Variants in ZAP70 observed in about 807,000 individuals in gnomAD.
ZAP70 encodes the protein zeta chain of T cell receptor associated protein kinase 70, also known as tyrosine-protein kinase ZAP-70.
ZAP70 carries 27 observed loss-of-function variants against 65.8 expected under a neutral mutation model. The ratio of observed to expected loss-of-function variants is 0.41; its 90% CI spans 0.30 to 0.57. ZAP70 has a LOEUF of 0.57. Among genes scored for constraint, ZAP70 ranks in the 20% least tolerant of loss-of-function variants. ZAP70 has a pLI of 0.28. For synonymous variants in ZAP70, 363 were observed against 360.8 expected (o/e 1.01, Z -0.07); for missense variants, 696 against 870.5 (o/e 0.80, Z 2.52).
At chr2:97,717,026 G>A (rs1325637276) in intron 2 of ZAP70, among the ~76,000 whole-genome samples, 1 of 152,254 alleles carries the variant, frequency 6.6e-6, no homozygotes, top group East Asian at 1.9e-4. Context: ...ATATGAAGGA[G>A]GAGCCTGCAG....
intron 13 of ZAP70, chr2:97,738,311 C>T: frequency 3.2e-6 from 2 of 620,708 alleles, no homozygotes; most frequent in Admixed American, 2.5e-5. Context: ...TGTGCCACAC[C>T]CTGCCATCCC....
At position 97,731,585 on chromosome 2, in the gene ZAP70, G is replaced by C. The variant is rs535190837; in HGVS notation, c.564-1298G>C. On this transcript the variant is annotated intron_variant, in intron 4 of 13. Coordinates refer to ENST00000264972, the MANE Select transcript of ZAP70 (RefSeq NM_001079.4). This position sits in a 1 kb window ranked among gnomAD's most constrained non-coding sequence, Gnocchi z 4.0. The stretch of plus-strand genomic sequence containing the variant: ...CACTGCACTGTACTTCGGGGAACGT[G>C]CTGTCCAGGAATGGAGAGGATGGTC... 1.1e-4 allele frequency among the ~76,000 whole-genome samples: 17 copies of C among 152,288 alleles called. No homozygotes were observed. The East Asian group carries it at 3.3e-3, about 29-fold the overall frequency.
chr2:97,733,814 C>A (rs1322881821), intron 8 of ZAP70: 2 of 625,062 alleles, frequency 3.2e-6, no homozygotes, highest in Non-Finnish European at 5.7e-6. Context: ...GCACACTTGG[C>A]CTTGCCTGAG....
chr2:97,721,050 G>A (rs1677134591), intron 2 of ZAP70, among the ~76,000 whole-genome samples: 1 of 152,206 alleles, frequency 6.6e-6, no homozygotes, highest in African/African-American at 2.4e-5. Flanking sequence ...GCCTTGCTGG[G>A]CCTATGTTAG....
chr2:97,733,398 TG>T, intron 7 of ZAP70, 55 bp downstream of exon 7: 2 of 1,587,024 alleles, frequency 1.3e-6, no homozygotes, highest in Non-Finnish European at 1.7e-6. Context: ...GGAGTGGCTG[TG>T]GGGGAGGCTG....
At chr2:97,753,915 GA>G in the ZAP70 span, among the ~76,000 whole-genome samples, 3 of 152,210 alleles carry the variant, frequency 2.0e-5, no homozygotes, top group Non-Finnish European at 4.4e-5. Flanking sequence ...CTTGGGCCTG[GA>G]AGTTCAGGGC....
chr2:97,727,349 T>C (rs1192510595), intron 4 of ZAP70, among the ~76,000 whole-genome samples: 5 of 152,228 alleles, frequency 3.3e-5, no homozygotes, highest in African/African-American at 1.2e-4. Context: ...GGGCTGTCTC[T>C]CTTTCCTTTT....
At chr2:97,733,235 C>T (rs200251859) in intron 6 of ZAP70, 23 bp downstream of exon 6, 232 of 1,610,440 alleles carry the variant, frequency 1.4e-4, no homozygotes, top group Middle Eastern at 1.7e-4. Context: ...GGCGGGCGGG[C>T]GGTGGGCGGG....
the ZAP70 span, among the ~76,000 whole-genome samples, chr2:97,747,866 G>A: frequency 3.1e-3 from 378 of 121,336 alleles, 2 homozygotes; most frequent in African/African-American, 0.011. Flanking sequence ...GTGACTGGCC[G>A]AGCCATCTGT....
chr2:97,717,136 G>C (rs866159123), intron 2 of ZAP70, among the ~76,000 whole-genome samples: 1 of 152,198 alleles, frequency 6.6e-6, no homozygotes, highest in African/African-American at 2.4e-5. Context: ...CAGGCGGCCC[G>C]AGCACAGCTG....
At chr2:97,717,257 G>C (rs1447907806) in intron 2 of ZAP70, among the ~76,000 whole-genome samples, 4 of 152,088 alleles carry the variant, frequency 2.6e-5, no homozygotes, top group Admixed American at 6.5e-5. Flanking sequence ...GGTGGTGGGG[G>C]GGCAGTAGGA....
the ZAP70 span, among the ~76,000 whole-genome samples, chr2:97,749,489 T>G: frequency 6.6e-6 from 1 of 152,104 alleles, no homozygotes; most frequent in Non-Finnish European, 1.5e-5. Flanking sequence ...GAGTTCCGGG[T>G]GGGCAATGAC....
In ZAP70 at chr2:97,715,132, C is replaced by G. The variant is rs1259848238; in HGVS notation, c.-22+1138C>G. Reference sequence around the variant, plus strand: ...CTCTGGACTCCACAGTTCCTGTATGCTCTCCGGGGCTGCAGCACCCAGACC... The same window carrying G: ...CTCTGGACTCCACAGTTCCTGTATGGTCTCCGGGGCTGCAGCACCCAGACC... On this transcript the variant is annotated intron_variant, in intron 2 of 13. Transcript: ENST00000264972. This position sits in a 1 kb window ranked among gnomAD's most constrained non-coding sequence, Gnocchi z 4.1. 6.6e-6 allele frequency among the ~76,000 whole-genome samples: 1 copy of G among 152,228 alleles called. No homozygotes were observed. The highest frequency in any genetic ancestry group is 1.5e-5 in the Non-Finnish European group (1 of 68,048).
chr2:97,747,644 G>C, the ZAP70 span, among the ~76,000 whole-genome samples: 1 of 152,028 alleles, frequency 6.6e-6, no homozygotes, highest in African/African-American at 2.4e-5. Flanking sequence ...GAAATGTTCT[G>C]GAATGAGAGA....
downstream of ZAP70, among the ~76,000 whole-genome samples, chr2:97,741,608 T>C (rs577729407): frequency 6.6e-6 from 1 of 152,352 alleles, no homozygotes; most frequent in African/African-American, 2.4e-5. Flanking sequence ...GGAGAGGGGC[T>C]GAGGGACGCA....
chr2:97,725,585 G>A (rs1232086432), intron 4 of ZAP70, among the ~76,000 whole-genome samples: 1 of 152,180 alleles, frequency 6.6e-6, no homozygotes, highest in African/African-American at 2.4e-5. Context: ...AATACCTACT[G>A]TGTACCAGGC....
chr2:97,755,043 A>C, the ZAP70 span, among the ~76,000 whole-genome samples: 1 of 152,228 alleles, frequency 6.6e-6, no homozygotes, highest in Non-Finnish European at 1.5e-5. Flanking sequence ...TCCCACCTTC[A>C]TGGGGATAGT....
chr2:97,715,058 G>T lies in ZAP70; in HGVS notation c.-22+1064G>T, dbSNP rs7425883. 2.0e-4 allele frequency among the ~76,000 whole-genome samples: 30 copies of T among 152,150 alleles called. No individual in the cohort carries two copies. The highest frequency in any genetic ancestry group is 4.0e-4 in the Non-Finnish European group (27 of 67,992). On this transcript the variant is annotated intron_variant, in intron 2 of 13. Coordinates refer to ENST00000264972, the MANE Select transcript of ZAP70 (RefSeq NM_001079.4). The surrounding 1 kb of genome is among the most constrained non-coding windows in gnomAD (Gnocchi z 4.1). ...CCGGCACATACAGGTGCTGCAGAAAGGTCTCACTAAAACCCTCATTATCCT... is the reference window on the plus strand; with the variant it reads ...CCGGCACATACAGGTGCTGCAGAAATGTCTCACTAAAACCCTCATTATCCT...
Position 97,725,110 on chromosome 2 carries a change from G to A in ZAP70, c.421G>A (p.Ala141Thr). The change falls in exon 4 of 14, where the codon GCC becomes ACC. Residue 141 changes from alanine (A) to threonine (T), a missense_variant. Ala to Thr is a moderately conservative substitution (Grantham distance 58). Transcript: ENST00000264972. The part of the protein sequence containing the change: ...WKLEGEALEQ[A>T]IISQAPQVEK... ...TTTCTAGGGCGAGGCCCTGGAGCAGGCCATCATCAGCCAGGCCCCGCAGGT... is the reference window on the plus strand; with the variant it reads ...TTTCTAGGGCGAGGCCCTGGAGCAGACCATCATCAGCCAGGCCCCGCAGGT... 1 of 1,614,122 alleles carries A rather than the reference G, an allele frequency of 6.2e-7. No homozygotes were observed. Among genetic ancestry groups the A allele is most frequent in the Non-Finnish European group, 8.5e-7 (1 of 1,180,026 alleles).
Sources: gnomAD v4.1 joint callset for allele counts (sites outside exome capture counted in the v4.1 genomes callset) on GRCh38, gnomAD v4.1.1 for gene constraint, Gnocchi (gnomAD v3.1) non-coding constraint, MANE v1.5 for transcripts, NCBI Gene and HGNC (gene_info 2026-07-23, HGNC 2026-07-21) for gene names.